CACNA1A: variants seen among roughly 807,000 people sequenced by gnomAD.
CACNA1A encodes the protein calcium voltage-gated channel subunit alpha1 A.
CACNA1A carries 57 observed loss-of-function variants against 262.4 expected under a neutral mutation model. That is an observed-to-expected ratio of 0.22 (90% CI 0.18 to 0.27). CACNA1A has a LOEUF of 0.27. Among genes scored for constraint, CACNA1A ranks in the 10% least tolerant of loss-of-function variants. The probability of loss-of-function intolerance (pLI) is 1.00; values close to 1 mark genes in which losing one functional copy is unlikely to be tolerated. For synonymous variants in CACNA1A, 1,431 were observed against 1,419.3 expected (o/e 1.01, Z -0.18); for missense variants, 2,526 against 3,562.8 (o/e 0.71, Z 7.41).
rs754173704 is a variant in CACNA1A at position 13,236,670 on chromosome 19, C to T, written c.4951-940G>A. ...CCCATGGGTGGGTGAGCTCAGAAAT[C>T]AGCCCGGGCCCACCAAGGGGCGGGT... On this transcript the variant is annotated intron_variant, in intron 31 of 46. Transcript: ENST00000360228. The surrounding 1 kb of genome is among the most constrained non-coding windows in gnomAD (Gnocchi z 4.6). 10 of 152,604 alleles carry T rather than the reference C, an allele frequency of 6.6e-5. No homozygotes were observed. Among genetic ancestry groups the T allele is most frequent in the Non-Finnish European group, 8.8e-5 (6 of 68,054 alleles). 9.5% of individuals were successfully genotyped at this position (152,604 alleles called of 1,614,324 possible).
At chr19:13,398,722 T>C (rs925422508) in intron 3 of CACNA1A, among the ~76,000 whole-genome samples, 3 of 152,240 alleles carry the variant, frequency 2.0e-5, no homozygotes, top group Admixed American at 6.5e-5. Flanking sequence ...GAGAATTATA[T>C]AAAAGCTCTT....
At chr19:13,433,460 C>CAAAAAAA (rs533297364) in intron 3 of CACNA1A, among the ~76,000 whole-genome samples, 4,277 of 75,758 alleles carry the variant, frequency 0.056, 290 homozygotes, top group African/African-American at 0.078. Flanking sequence ...GACGCTGTCT[C>CAAAAAAA]AAAAAAAAAA....
At chr19:13,474,895 A>G (rs1978344341) in intron 1 of CACNA1A, among the ~76,000 whole-genome samples, 1 of 152,196 alleles carries the variant, frequency 6.6e-6, no homozygotes, top group African/African-American at 2.4e-5. Flanking sequence ...GAGAAGGAGA[A>G]AAAAAGGTCA....
At chr19:13,298,356 C>T (rs535956312) in intron 19 of CACNA1A, among the ~76,000 whole-genome samples, 188 bp downstream of exon 19, 1 of 147,842 alleles carries the variant, frequency 6.8e-6, no homozygotes, top group South Asian at 2.1e-4. Context: ...GTCTTGAACT[C>T]CTGACCTCGT....
At position 13,219,251 on chromosome 19, in the gene CACNA1A, A is replaced by G. The variant is rs1356195418; in HGVS notation, c.5732-4643T>C. Among the ~76,000 whole-genome samples the G allele has an allele frequency of 2.0e-5, 3 of 150,472 alleles. No homozygotes were observed. In the East Asian group the frequency reaches 5.9e-4, roughly 29 times the overall value. On this transcript the variant is annotated intron_variant, in intron 38 of 46. Coordinates refer to ENST00000360228, the MANE Select transcript of CACNA1A (RefSeq NM_001127222.2). ...GAGACAGGGTTTCACCATGTTGGTC[A>G]GGCTGGTCTTGAACTCGTGACCTCA...
Position 13,424,849 on chromosome 19 carries a change from G to A in CACNA1A, c.539+28027C>T, listed in dbSNP as rs540265695. Among the ~76,000 whole-genome samples the A allele has an allele frequency of 1.2e-3, 181 of 152,132 alleles. 1 individual carries two copies. The highest frequency in any genetic ancestry group is 2.0e-3 in the Non-Finnish European group (136 of 67,984). ...AGACAGAGTCTCGTCCTGTCACCCA[G>A]GCTGGAGTGCAGTGGTGCGATCTTG... is the stretch of plus-strand genomic sequence containing the variant. On this transcript the variant is annotated intron_variant, in intron 3 of 46. Coordinates refer to ENST00000360228, the MANE Select transcript of CACNA1A (RefSeq NM_001127222.2).
At chr19:13,478,318 G>A (rs909805306) in intron 1 of CACNA1A, among the ~76,000 whole-genome samples, 3 of 152,090 alleles carry the variant, frequency 2.0e-5, no homozygotes, top group Non-Finnish European at 1.5e-5. Flanking sequence ...TTTTATTATT[G>A]TTGTTGTTGC....
At chr19:13,234,812 G>A in intron 34 of CACNA1A, 109 bp downstream of exon 34, 1 of 764,842 alleles carries the variant, frequency 1.3e-6, no homozygotes, top group Non-Finnish European at 2.3e-6. Flanking sequence ...AAGGAGGAGG[G>A]CACGTCTTGC....
chr19:13,207,194 C>G lies in CACNA1A; in HGVS notation c.*119G>C. On this transcript the variant is annotated 3_prime_UTR_variant, in exon 47 of 47. Coordinates refer to ENST00000360228, the MANE Select transcript of CACNA1A (RefSeq NM_001127222.2). This position sits in a 1 kb window ranked among gnomAD's most constrained non-coding sequence, Gnocchi z 5.7. ...CTGGCCTCTCCAGAGTCTGGGGTCT[C>G]CCGGCTGGCCCTCTCCCGGGCCCTC... 8.8e-7 allele frequency: 1 copy of G among 1,133,018 alleles called. No individual in the cohort carries two copies. Among genetic ancestry groups the G allele is most frequent in the Non-Finnish European group, 1.2e-6 (1 of 852,136 alleles). The allele number at this position is 1,133,018 out of a possible 1,614,324, so 70.2% of individuals were successfully genotyped here. A position where few individuals can be genotyped will look rare whatever the true frequency, so the allele number is the denominator to read the frequency against.
At chr19:13,344,221 CA>C (rs35162704) in intron 6 of CACNA1A, among the ~76,000 whole-genome samples, 3,559 of 121,316 alleles carry the variant, frequency 0.029, 128 homozygotes, top group African/African-American at 0.1. Context: ...CTCAAAAAAG[CA>C]AAAAAAAAAA....
chr19:13,409,099 T>A (rs1000665253), intron 3 of CACNA1A, among the ~76,000 whole-genome samples: 1 of 152,192 alleles, frequency 6.6e-6, no homozygotes, highest in African/African-American at 2.4e-5. Context: ...CAGGGTTACC[T>A]TGCTTGGCTC....
chr19:13,289,202 C>T (rs888762833), intron 19 of CACNA1A, among the ~76,000 whole-genome samples: 5 of 144,586 alleles, frequency 3.5e-5, no homozygotes, highest in South Asian at 2.2e-4. Context: ...AGTGCAGTGG[C>T]GCGATCTCAG....
intron 3 of CACNA1A, among the ~76,000 whole-genome samples, chr19:13,436,294 T>C (rs1005148248): frequency 3.3e-5 from 5 of 152,174 alleles, no homozygotes; most frequent in African/African-American, 4.8e-5. Flanking sequence ...TTGGGGCTTT[T>C]TGAATTCCCT....
intron 45 of CACNA1A, 75 bp from the exon 46 acceptor site, chr19:13,209,084 C>T (rs2054700541): frequency 1.3e-6 from 2 of 1,526,502 alleles, no homozygotes; most frequent in Non-Finnish European, 1.8e-6. Flanking sequence ...ACACAGGAGG[C>T]CACCTGGAAG....
At chr19:13,450,413 T>A (rs1291485120) in intron 3 of CACNA1A, 3 of 152,296 alleles carry the variant, frequency 2.0e-5, no homozygotes, top group Admixed American at 6.6e-5. Context: ...AGTGAAGTCT[T>A]CCCTGGCTTC....
intron 6 of CACNA1A, among the ~76,000 whole-genome samples, chr19:13,336,596 A>AGGGAGG (rs1555768107): frequency 1.1e-5 from 1 of 89,602 alleles, no homozygotes; most frequent in African/African-American, 5.5e-5. Context: ...AGAGAGAGGG[A>AGGGAGG]GAGAGAGAGA....
At chr19:13,336,492 A>G (rs950509414) in intron 6 of CACNA1A, among the ~76,000 whole-genome samples, 1 of 152,078 alleles carries the variant, frequency 6.6e-6, no homozygotes, top group African/African-American at 2.4e-5. Context: ...TCTCTGAAAC[A>G]GAAAATAGAA....
At chr19:13,485,990 T>C (rs1319607960) in intron 1 of CACNA1A, among the ~76,000 whole-genome samples, 1 of 152,172 alleles carries the variant, frequency 6.6e-6, no homozygotes, top group Non-Finnish European at 1.5e-5. Flanking sequence ...AACAAGATCA[T>C]GAAGGAGCTG....
At chr19:13,264,877 CTTT>C (rs33923652) in intron 24 of CACNA1A, among the ~76,000 whole-genome samples, 8 of 136,058 alleles carry the variant, frequency 5.9e-5, no homozygotes, top group South Asian at 2.3e-4. Context: ...TCCCTTTAAT[CTTT>C]TTTTTTTTTT....
Sources: gnomAD v4.1 joint callset for allele counts (sites outside exome capture counted in the v4.1 genomes callset) on GRCh38, gnomAD v4.1.1 for gene constraint, Gnocchi (gnomAD v3.1) non-coding constraint, MANE v1.5 for transcripts, NCBI Gene and HGNC (gene_info 2026-07-23, HGNC 2026-07-21) for gene names.